COPG2: variants seen among roughly 807,000 people sequenced by gnomAD.
The protein encoded by COPG2 is coatomer subunit gamma-2.
In COPG2, 37 loss-of-function variants were observed where a neutral mutation model predicts 46.3. The ratio of observed to expected loss-of-function variants is 0.80; its 90% CI spans 0.61 to 1.05. The LOEUF is 1.05. Among genes scored for constraint, COPG2 ranks in the 50% least tolerant of loss-of-function variants. The probability of loss-of-function intolerance (pLI) is 0.00; values close to 1 mark genes in which losing one functional copy is unlikely to be tolerated. For synonymous variants in COPG2, 159 were observed against 129.7 expected (o/e 1.23, Z -1.53); for missense variants, 427 against 387.8 (o/e 1.10, Z -0.85).
At chr7:130,606,240 A>AAGAGAG (rs145785936) in intron 9 of COPG2, among the ~76,000 whole-genome samples, 1 of 149,110 alleles carries the variant, frequency 6.7e-6, no homozygotes, top group African/African-American at 2.5e-5. Flanking sequence ...AAAAAAAAGA[A>AAGAGAG]AGAGAGAGAG....
At chr7:130,595,003 T>C (rs1794500197) in intron 9 of COPG2, among the ~76,000 whole-genome samples, 1 of 152,230 alleles carries the variant, frequency 6.6e-6, no homozygotes, top group Non-Finnish European at 1.5e-5. Flanking sequence ...CTAGCAGTTC[T>C]GATCCTAGGT....
intron 5 of COPG2, among the ~76,000 whole-genome samples, chr7:130,651,504 T>TG (rs1443393987): frequency 5.7e-5 from 5 of 87,762 alleles, no homozygotes; most frequent in African/African-American, 2.0e-4. Flanking sequence ...ATTTTTTTTT[T>TG]TTTTTTTTTT....
At chr7:130,562,416 C>T (rs1298170530) in intron 11 of COPG2, among the ~76,000 whole-genome samples, 1 of 152,128 alleles carries the variant, frequency 6.6e-6, no homozygotes, top group Non-Finnish European at 1.5e-5. Flanking sequence ...AGGTTTCTTC[C>T]ATGGCTGCTC....
rs889733550 is a variant in COPG2 at position 130,508,785 on chromosome 7, G to C, written c.2150-126C>G. 4.8e-6 allele frequency: 3 copies of C among 621,516 alleles called. No individual in the cohort carries two copies. The Admixed American group carries it at 8.3e-5, about 17-fold the overall frequency. The allele number at this position is 621,516 out of a possible 1,614,324, so 38.5% of individuals were successfully genotyped here. A position where few individuals can be genotyped will look rare whatever the true frequency, so the allele number is the denominator to read the frequency against. ...AAACACACATGCCCTGTTGTCTGGG[G>C]TAGTGGTTCTCAAAAGCAGCCTACA... is the stretch of plus-strand genomic sequence containing the variant. On this transcript the variant is annotated intron_variant, in intron 20 of 23. Coordinates refer to ENST00000425248, the MANE Select transcript of COPG2 (RefSeq NM_012133.6).
chr7:130,507,977 C>A (rs1344320440), intron 21 of COPG2, 154 bp from the exon 22 acceptor site: 6 of 598,554 alleles, frequency 1.0e-5, no homozygotes, highest in East Asian at 2.7e-5. Flanking sequence ...TGTTGTAGCC[C>A]TTAGCAAAGG....
At chr7:130,523,067 G>A (rs1012023284) in intron 20 of COPG2, among the ~76,000 whole-genome samples, 7 of 128,378 alleles carry the variant, frequency 5.5e-5, no homozygotes, top group South Asian at 2.7e-4. Context: ...GCAGTGAGCC[G>A]AGATCGCACC....
chr7:130,663,248 C>T (rs1182183885), intron 3 of COPG2, among the ~76,000 whole-genome samples: 1 of 152,136 alleles, frequency 6.6e-6, no homozygotes, highest in Admixed American at 6.5e-5. Flanking sequence ...TAAAATAATT[C>T]AGTATCGCAT....
At chr7:130,618,392 A>T (rs1396726770) in intron 5 of COPG2, among the ~76,000 whole-genome samples, 1 of 152,076 alleles carries the variant, frequency 6.6e-6, no homozygotes, top group Non-Finnish European at 1.5e-5. Flanking sequence ...CTGTAATTTC[A>T]ATTTTTACTT....
intron 9 of COPG2, chr7:130,608,277 A>G (rs1350691820): frequency 4.7e-6 from 2 of 426,294 alleles, no homozygotes; most frequent in African/African-American, 2.1e-5. Context: ...ATTTTCATAT[A>G]TTTCACTTCT....
intron 20 of COPG2, among the ~76,000 whole-genome samples, chr7:130,526,931 T>C (rs1183981034): frequency 1.5e-4 from 1 of 6,780 alleles, no homozygotes; most frequent in Non-Finnish European, 2.7e-4. Flanking sequence ...GGTGGGGATA[T>C]GGGTGGGGGT....
intron 5 of COPG2, among the ~76,000 whole-genome samples, chr7:130,647,475 G>A (rs545898570): frequency 6.6e-6 from 1 of 152,046 alleles, no homozygotes; most frequent in African/African-American, 2.4e-5. Flanking sequence ...TCTTTTTTGT[G>A]GCCATATATG....
intron 20 of COPG2, among the ~76,000 whole-genome samples, chr7:130,528,937 T>C (rs1799799193): frequency 6.6e-6 from 1 of 151,708 alleles, no homozygotes; most frequent in Non-Finnish European, 1.5e-5. Context: ...GTGGGTAAGA[T>C]AAGCAAGGAA....
At chr7:130,590,304 G>A (rs1205466152) in intron 9 of COPG2, among the ~76,000 whole-genome samples, 5 of 149,692 alleles carry the variant, frequency 3.3e-5, no homozygotes, top group East Asian at 1.9e-4. Flanking sequence ...CTCTCATGCC[G>A]AGCCGAAGCT....
chr7:130,550,139 G>A (rs1016019274), intron 17 of COPG2, among the ~76,000 whole-genome samples: 10 of 151,966 alleles, frequency 6.6e-5, no homozygotes, highest in African/African-American at 1.4e-4. Flanking sequence ...GGCTGAGCAC[G>A]GTGGCTCCCG....
In COPG2 at chr7:130,633,347, T is replaced by C. The variant is rs548956300; in HGVS notation, c.324-16282A>G. 5.3e-5 allele frequency among the ~76,000 whole-genome samples: 8 copies of C among 152,268 alleles called. No individual in the cohort carries two copies. The South Asian group carries it at 1.7e-3, about 32-fold the overall frequency. On this transcript the variant is annotated intron_variant, in intron 5 of 23. Transcript: ENST00000425248. ...TGTCTTCCACAATGGTTGAACTAATTTACACTCCCACCAACAGTGTAAAGG... is the reference window on the plus strand; with the variant it reads ...TGTCTTCCACAATGGTTGAACTAATCTACACTCCCACCAACAGTGTAAAGG...
At chr7:130,660,019 C>G (rs1795945534) in intron 4 of COPG2, among the ~76,000 whole-genome samples, 1 of 152,094 alleles carries the variant, frequency 6.6e-6, no homozygotes, top group Non-Finnish European at 1.5e-5. Flanking sequence ...TTAATATAAA[C>G]AACGATAGAA....
At chr7:130,545,488 G>C (rs1793425491) in intron 20 of COPG2, among the ~76,000 whole-genome samples, 1 of 152,122 alleles carries the variant, frequency 6.6e-6, no homozygotes, top group East Asian at 1.9e-4. Flanking sequence ...CAAAAAGGAA[G>C]GAATGGGTGA....
At chr7:130,569,169 C>A (rs1793853319) in intron 9 of COPG2, among the ~76,000 whole-genome samples, 1 of 151,960 alleles carries the variant, frequency 6.6e-6, no homozygotes, top group Non-Finnish European at 1.5e-5. Context: ...ACAAACCAAA[C>A]CTAAACTCAG....
At chr7:130,606,763 T>C (rs1035657653) in intron 9 of COPG2, among the ~76,000 whole-genome samples, 4 of 152,238 alleles carry the variant, frequency 2.6e-5, no homozygotes, top group Non-Finnish European at 5.9e-5. Flanking sequence ...CTATGAATTT[T>C]AGATTTGCTT....
Sources: gnomAD v4.1 joint callset for allele counts (sites outside exome capture counted in the v4.1 genomes callset) on GRCh38, gnomAD v4.1.1 for gene constraint, MANE v1.5 for transcripts, NCBI Gene and HGNC (gene_info 2026-07-23, HGNC 2026-07-21) for gene names.